ZFHX3: variants seen among roughly 807,000 people sequenced by gnomAD.
The protein encoded by ZFHX3 is zinc finger homeobox protein 3.
ZFHX3 carries 42 observed loss-of-function variants against 279.1 expected under a neutral mutation model. The observed-to-expected ratio is 0.15, with a 90% CI of 0.12 to 0.19. ZFHX3 has a LOEUF of 0.19. Among genes scored for constraint, ZFHX3 ranks in the 10% least tolerant of loss-of-function variants. The probability of loss-of-function intolerance (pLI) is 1.00; values close to 1 mark genes in which losing one functional copy is unlikely to be tolerated. For synonymous variants in ZFHX3, 2,293 were observed against 1,957.8 expected (o/e 1.17, Z -4.52); for missense variants, 4,981 against 4,754.0 (o/e 1.05, Z -1.40).
chr16:73,261,165 T>A (rs532721109), intron 4 of ZFHX3, among the ~76,000 whole-genome samples: 1 of 152,288 alleles, frequency 6.6e-6, no homozygotes, highest in Admixed American at 6.5e-5. Flanking sequence ...ATTATTTGAA[T>A]CCATACAGTG....
At chr16:73,623,228 G>A (rs2052382751) in intron 2 of ZFHX3, among the ~76,000 whole-genome samples, 1 of 152,102 alleles carries the variant, frequency 6.6e-6, no homozygotes, top group Non-Finnish European at 1.5e-5. Flanking sequence ...AGTAGAGACG[G>A]AGTTTCACCA....
In ZFHX3 at chr16:73,557,044, G is replaced by A. The variant is rs535437250; in HGVS notation, c.-1546-100786C>T. ...TGGGAGGCGGAGCTTGCAGTGAGCC[G>A]AGATCAGGCCACTGCACTCCACCCT... On this transcript the variant is annotated intron_variant, in intron 2 of 17. Transcript: ENST00000641206. Among the ~76,000 whole-genome samples, 58 of 132,674 alleles carry A rather than the reference G, an allele frequency of 4.4e-4. 1 individual carries two copies. Among genetic ancestry groups the A allele is most frequent in the African/African-American group, 1.4e-3 (51 of 35,586 alleles). 87.0% of individuals were successfully genotyped at this position (132,674 alleles called of 152,430 possible).
At chr16:73,865,401 G>C (rs750975284) in intron 1 of ZFHX3, among the ~76,000 whole-genome samples, 8 of 152,164 alleles carry the variant, frequency 5.3e-5, no homozygotes, top group African/African-American at 1.9e-4. Flanking sequence ...GTTTGGGGCC[G>C]GTGTGGGGTG....
At position 72,797,167 on chromosome 16, in the gene ZFHX3, C is replaced by T. The variant is rs1364216109; in HGVS notation, c.5515G>A (p.Val1839Ile). Residue 1839 changes from valine to isoleucine, a missense_variant, in exon 9 of 10, where the codon GTT becomes ATT. Physicochemically the swap from Val to Ile is conservative, Grantham distance 29. This residue lies in a region of ZFHX3 where 1,751 missense variants were observed against 1,770.0 expected (regional missense o/e 0.99). Coordinates refer to ENST00000268489, the MANE Select transcript of ZFHX3 (RefSeq NM_006885.4). The stretch of plus-strand genomic sequence containing the variant: ...TGATGGCTCTGCTGTGGGACCTGAA[C>T]CTGAGCCTTCAGATCTTCCAGCAGG... ...PGLLEDLKAQ[V>I]QVPQQSHQQI... The T allele has an allele frequency of 1.9e-6, 3 of 1,613,768 alleles. No individual in the cohort carries two copies. The highest frequency in any genetic ancestry group is 2.2e-5 in the East Asian group (1 of 44,862).
At chr16:73,502,663 G>A (rs2019259272) in intron 2 of ZFHX3, among the ~76,000 whole-genome samples, 1 of 152,216 alleles carries the variant, frequency 6.6e-6, no homozygotes, top group African/African-American at 2.4e-5. Flanking sequence ...CGGACACCCA[G>A]TCTTGGACTC....
rs74028098 is a variant in ZFHX3 at position 73,230,849 on chromosome 16, T to C, written c.-1104+26198A>G. ...AAAAAATCAGTGTTCCTGCTGCCGC[T>C]GCTGCTGCTGGCTGATAAAGCAGAC... is the stretch of plus-strand genomic sequence containing the variant. On this transcript the variant is annotated intron_variant, in intron 5 of 17. Coordinates refer to the ZFHX3 transcript ENST00000641206. Among the ~76,000 whole-genome samples the C allele has an allele frequency of 6.8e-3, 1,030 of 152,310 alleles. 15 individuals carry two copies. Among genetic ancestry groups the C allele is most frequent in the African/African-American group, 0.024 (992 of 41,562 alleles).
chr16:72,829,927 T>C, intron 4 of ZFHX3, 68 bp from the exon 5 acceptor site: 1 of 1,522,414 alleles, frequency 6.6e-7, no homozygotes, highest in Non-Finnish European at 9.1e-7. Flanking sequence ...TGGCCTCTGT[T>C]GCAAACAACT....
rs2019252501 is a variant in ZFHX3, at chr16:73,502,282, G to C, written c.-1546-46024C>G. ...CAACAAGACCTGCCAGGCAGTGTCA[G>C]ATTGAGGACCATGGAAACTTTTAAT... On this transcript the variant is annotated intron_variant, in intron 2 of 17. Transcript: ENST00000641206. Among the ~76,000 whole-genome samples the C allele has an allele frequency of 2.0e-5, 3 of 152,252 alleles. No individual in the cohort carries two copies. In the South Asian group the frequency reaches 6.2e-4, roughly 31 times the overall value.
At chr16:72,973,963 C>T (rs547004450) in intron 1 of ZFHX3, 5 of 152,320 alleles carry the variant, frequency 3.3e-5, no homozygotes, top group South Asian at 4.1e-4. Flanking sequence ...GAAGGGCTAT[C>T]AAAGCCGGGT....
At chr16:73,121,819 G>A (rs2144809126) in intron 7 of ZFHX3, among the ~76,000 whole-genome samples, 1 of 152,064 alleles carries the variant, frequency 6.6e-6, no homozygotes, top group East Asian at 1.9e-4. Flanking sequence ...GTTTCACCAT[G>A]TTAGTCCGGA....
chr16:73,771,943 T>C (rs143430120), intron 1 of ZFHX3, among the ~76,000 whole-genome samples: 9 of 151,952 alleles, frequency 5.9e-5, no homozygotes, highest in African/African-American at 2.2e-4. Context: ...TGGGAGGATA[T>C]AAATTACTTC....
intron 3 of ZFHX3, among the ~76,000 whole-genome samples, chr16:73,386,469 A>G (rs866394747): frequency 7.9e-5 from 12 of 152,326 alleles, no homozygotes; most frequent in South Asian, 6.2e-4. Flanking sequence ...GATAAGGCAT[A>G]TAGTGGTTAC....
intron 3 of ZFHX3, 22 bp from the exon 4 acceptor site, chr16:72,889,984 G>A (rs558319282): frequency 1.9e-6 from 3 of 1,602,878 alleles, no homozygotes; most frequent in East Asian, 4.5e-5. Context: ...AAAAGAGAAA[G>A]ACATGCCTTG....
At chr16:73,412,324 TTCAAAAAAAA>T (rs1319277265) in intron 3 of ZFHX3, among the ~76,000 whole-genome samples, 1 of 113,898 alleles carries the variant, frequency 8.8e-6, no homozygotes, top group Non-Finnish European at 1.9e-5. Flanking sequence ...GAGAGACTGT[TTCAAAAAAAA>T]AAAAAAAAAA....
At chr16:73,589,259 CAAAAAAAAAAAAAAAAAAA>C (rs34481194) in intron 2 of ZFHX3, among the ~76,000 whole-genome samples, 2 of 30,934 alleles carry the variant, frequency 6.5e-5, no homozygotes, top group African/African-American at 2.8e-4. Context: ...GATTCTGTCT[CAAAAAAAAAAAAAAAAAAA>C]AAAAAAAAAA....
chr16:73,599,850 G>C (rs1184408149), intron 2 of ZFHX3, among the ~76,000 whole-genome samples: 1 of 152,032 alleles, frequency 6.6e-6, no homozygotes, highest in Non-Finnish European at 1.5e-5. Context: ...TTGGAGAACA[G>C]AATTCTTACT....
intron 5 of ZFHX3, among the ~76,000 whole-genome samples, chr16:73,186,090 ACATGGGACCAT>A (rs1159482698): frequency 2.0e-5 from 3 of 151,650 alleles, no homozygotes; most frequent in African/African-American, 7.3e-5. Flanking sequence ...CATCACCCCC[ACATGGGACCAT>A]CTAGTTGCAA....
At chr16:73,701,762 T>C (rs2053249317) in intron 1 of ZFHX3, among the ~76,000 whole-genome samples, 2 of 152,096 alleles carry the variant, frequency 1.3e-5, no homozygotes, top group African/African-American at 2.4e-5. Flanking sequence ...ACTAGAATAA[T>C]ATGGAGAGAT....
chr16:73,322,297 T>A (rs1309449462), intron 3 of ZFHX3, among the ~76,000 whole-genome samples: 1 of 151,908 alleles, frequency 6.6e-6, no homozygotes. Context: ...TTTTTGCAGC[T>A]TATGATATAC....
Sources: allele counts gnomAD v4.1 joint callset (sites outside exome capture counted in the v4.1 genomes callset), GRCh38; gene constraint gnomAD v4.1.1; regional missense constraint gnomAD v4.1.1; transcripts MANE v1.5; gene names NCBI Gene and HGNC (gene_info 2026-07-23, HGNC 2026-07-21).